The following EIF2A variants were observed in gnomAD, a reference collection of about 807,000 sequenced individuals.
The protein encoded by EIF2A is 65 kDa eukaryotic translation initiation factor 2A.
A neutral mutation model predicts 75.2 loss-of-function variants in EIF2A; 62 were observed. The observed-to-expected ratio is 0.82, with a 90% CI of 0.67 to 1.02. The LOEUF is 1.02. Ranked by LOEUF, EIF2A falls within the 50% of genes least tolerant of loss-of-function variation. The pLI, the probability that EIF2A is intolerant of heterozygous loss-of-function variation, is 0.00. For missense variants in EIF2A, 611 were observed against 677.7 expected (o/e 0.90, Z 1.09); for synonymous variants, 207 against 239.0 (o/e 0.87, Z 1.23).
rs1725446585 is a variant in EIF2A at position 150,585,768 on chromosome 3, G to A, written c.*1857G>A. 6.6e-6 allele frequency among the ~76,000 whole-genome samples: 1 copy of A among 152,182 alleles called. No homozygotes were observed. The highest frequency in any genetic ancestry group is 2.4e-5 in the African/African-American group (1 of 41,434). ...CCAACGTGGTGGTATTGGGAGATGG[G>A]CCTTTTGGAAGGTAAGTGTGTTTGA... On this transcript the variant is annotated 3_prime_UTR_variant, in exon 14 of 14. Coordinates refer to ENST00000460851, the MANE Select transcript of EIF2A (RefSeq NM_032025.5).
Position 150,564,390 on chromosome 3 carries a change from A to C in EIF2A, c.475+9A>C. The C allele has an allele frequency of 6.3e-7, 1 of 1,574,942 alleles. No individual in the cohort carries two copies. Among genetic ancestry groups the C allele is most frequent in the Non-Finnish European group, 8.6e-7 (1 of 1,161,972 alleles). On this transcript the variant is annotated intron_variant, in intron 6 of 13. Coordinates refer to ENST00000460851, the MANE Select transcript of EIF2A (RefSeq NM_032025.5). ...TGAAAACAACAATTTTAGTATGGAA[A>C]GATTTATGACATAATTTTATTACTT...
intron 10 of EIF2A, among the ~76,000 whole-genome samples, chr3:150,572,983 GACATA>G (rs1724630678): frequency 6.6e-6 from 1 of 151,632 alleles, no homozygotes. Flanking sequence ...ATTATATAAA[GACATA>G]ACATGATATT....
chr3:150,547,731 G>C (rs1723119114), intron 1 of EIF2A, among the ~76,000 whole-genome samples: 1 of 152,146 alleles, frequency 6.6e-6, no homozygotes, highest in African/African-American at 2.4e-5. Context: ...CTTTTTGCCA[G>C]TCTACATTTC....
At chr3:150,582,124 C>T (rs1001449640) in intron 12 of EIF2A, among the ~76,000 whole-genome samples, 1 of 151,932 alleles carries the variant, frequency 6.6e-6, no homozygotes, top group African/African-American at 2.4e-5. Flanking sequence ...CCTCAGCCTC[C>T]CGAGTAGCTG....
Position 150,567,973 on chromosome 3 carries a change from T to A in EIF2A, c.621T>A (p.Ala207=). 6.2e-7 allele frequency: 1 copy of A among 1,613,562 alleles called. No individual in the cohort carries two copies. Among genetic ancestry groups the A allele is most frequent in the Non-Finnish European group, 8.5e-7 (1 of 1,179,752 alleles). The change falls in exon 8 of 14, where the codon GCT becomes GCA. Residue 207 remains alanine (A), a synonymous_variant. Coordinates refer to ENST00000460851, the MANE Select transcript of EIF2A (RefSeq NM_032025.5). ...GATTATATCAGTACCCCAACTTTGC[T>A]GGACCTCATGCAGCTTTAGCTAATA... The part of the protein sequence containing the change: ...FVRLYQYPNF[A]GPHAALANKS...
chr3:150,577,222 A>G lies in EIF2A; in HGVS notation c.1497+1460A>G, dbSNP rs142677848. Among the ~76,000 whole-genome samples the G allele has an allele frequency of 5.9e-5, 9 of 152,248 alleles. No homozygotes were observed. The East Asian group carries it at 1.7e-3, about 29-fold the overall frequency. On this transcript the variant is annotated intron_variant, in intron 11 of 13. Coordinates refer to ENST00000460851, the MANE Select transcript of EIF2A (RefSeq NM_032025.5). ...CTTGAGTGTGGAATCCTCATGACTT[A>G]ATCATTTTCCAAATGCCCCACCTTT...
chr3:150,570,395 T>C lies in EIF2A; in HGVS notation c.812-1563T>C, dbSNP rs983205443. ...TAATTGGAGAAAAATAAAATAGGCA[T>C]AGGATAGTAAAAATTAGTCCTCAGA... On this transcript the variant is annotated intron_variant, in intron 9 of 13. Coordinates refer to ENST00000460851, the MANE Select transcript of EIF2A (RefSeq NM_032025.5). 4.6e-5 allele frequency among the ~76,000 whole-genome samples: 7 copies of C among 151,838 alleles called. No homozygotes were observed. In the East Asian group the frequency reaches 1.3e-3, roughly 29 times the overall value.
At chr3:150,578,285 T>C (rs1353987543) in intron 11 of EIF2A, among the ~76,000 whole-genome samples, 1 of 148,482 alleles carries the variant, frequency 6.7e-6, no homozygotes, top group African/African-American at 2.5e-5. Flanking sequence ...CATATGATTA[T>C]AATTATTAAT....
intron 2 of EIF2A, among the ~76,000 whole-genome samples, chr3:150,556,828 C>T (rs150685378): frequency 6.6e-5 from 10 of 152,186 alleles, no homozygotes; most frequent in East Asian, 5.8e-4. Flanking sequence ...ATAATCATTG[C>T]GATAAGGGGG....
chr3:150,570,317 A>T (rs1432607069), intron 9 of EIF2A, among the ~76,000 whole-genome samples: 1 of 152,176 alleles, frequency 6.6e-6, no homozygotes, highest in Non-Finnish European at 1.5e-5. Context: ...AGTGATAAGT[A>T]TGAGGAAGGT....
chr3:150,579,936 C>T (rs17214539), intron 11 of EIF2A, among the ~76,000 whole-genome samples: 22,514 of 151,920 alleles, frequency 0.15, 1,695 homozygotes, highest in Non-Finnish European at 0.16. Context: ...AGAAACCCTA[C>T]GTTGGAGCCA....
At chr3:150,564,416 A>C in intron 6 of EIF2A, 35 bp downstream of exon 6, 1 of 1,508,228 alleles carries the variant, frequency 6.6e-7, no homozygotes, top group East Asian at 2.3e-5. Flanking sequence ...TTTATTACTT[A>C]CTGTAATCGT....
chr3:150,580,759 GTTAC>G (rs1038171889), intron 11 of EIF2A, among the ~76,000 whole-genome samples: 2 of 152,104 alleles, frequency 1.3e-5, no homozygotes, highest in Non-Finnish European at 1.5e-5. Context: ...TAAAATAAGG[GTTAC>G]TTAAACACAA....
intron 2 of EIF2A, among the ~76,000 whole-genome samples, chr3:150,555,959 A>T (rs1411108468): frequency 6.6e-6 from 1 of 152,144 alleles, no homozygotes; most frequent in African/African-American, 2.4e-5. Context: ...GAACATTTGT[A>T]CTTCAGAACA....
intron 1 of EIF2A, 149 bp from the exon 2 acceptor site, chr3:150,552,207 C>A: frequency 3.2e-6 from 2 of 626,976 alleles, no homozygotes; most frequent in Non-Finnish European, 5.4e-6. Context: ...GAAAATATGC[C>A]CTTTTGTTGC....
At chr3:150,573,146 T>C (rs1220718588) in intron 10 of EIF2A, among the ~76,000 whole-genome samples, 1 of 152,232 alleles carries the variant, frequency 6.6e-6, no homozygotes, top group African/African-American at 2.4e-5. Context: ...CTGTGCATGA[T>C]GGCACAATTC....
Position 150,584,126 on chromosome 3 carries a change from T to C in EIF2A, c.*215T>C, listed in dbSNP as rs549853555. 1.7e-4 allele frequency: 76 copies of C among 442,058 alleles called. No homozygotes were observed. The East Asian group carries it at 2.7e-3, about 15-fold the overall frequency. 27.4% of individuals were successfully genotyped at this position (442,058 alleles called of 1,614,324 possible). The stretch of plus-strand genomic sequence containing the variant: ...TCCTATATCATGTCAATATGTGATA[T>C]AGAAAAGAGATACGTGAATTTTTTA... On this transcript the variant is annotated 3_prime_UTR_variant, in exon 14 of 14. Transcript: ENST00000460851.
intron 11 of EIF2A, among the ~76,000 whole-genome samples, chr3:150,575,974 G>C (rs1427166607): frequency 6.6e-6 from 1 of 152,152 alleles, no homozygotes; most frequent in East Asian, 1.9e-4. Flanking sequence ...CAGCTACTCA[G>C]GAGGCTGAGG....
Position 150,551,786 on chromosome 3 carries a change from A to G in EIF2A, c.29-570A>G, listed in dbSNP as rs543557199. On this transcript the variant is annotated intron_variant, in intron 1 of 13. Transcript: ENST00000460851. ...GTATAGTCTAGTTCTGTAGATGATT[A>G]TTTAATCTTGAACTTTGTTTCCACT... Among the ~76,000 whole-genome samples, 18 of 152,290 alleles carry G rather than the reference A, an allele frequency of 1.2e-4. No individual in the cohort carries two copies. In the South Asian group the frequency reaches 3.7e-3, roughly 32 times the overall value.
Sources: allele counts gnomAD v4.1 joint callset (sites outside exome capture counted in the v4.1 genomes callset), GRCh38; gene constraint gnomAD v4.1.1; transcripts MANE v1.5; gene names NCBI Gene and HGNC (gene_info 2026-07-23, HGNC 2026-07-21).